PTPRR: variants seen among roughly 807,000 people sequenced by gnomAD.
PTPRR encodes the protein receptor-type tyrosine-protein phosphatase R.
Under a neutral mutation model 77.2 loss-of-function variants are expected in PTPRR, and 38 were observed. The ratio of observed to expected loss-of-function variants is 0.49; its 90% confidence interval spans 0.38 to 0.65. The LOEUF (loss-of-function observed/expected upper bound fraction) is 0.65, where lower values mean the gene tolerates loss of function less well. Ranked by LOEUF, PTPRR falls within the 30% of genes least tolerant of loss-of-function variation. The pLI is 0.00. For synonymous variants in PTPRR, 299 were observed against 283.1 expected (o/e 1.06, Z -0.57); for missense variants, 744 against 799.2 (o/e 0.93, Z 0.83).
At chr12:70,698,169 A>C (rs1054720280) in intron 8 of PTPRR, 96 bp downstream of exon 8, 11 of 1,013,824 alleles carry the variant, frequency 1.1e-5, no homozygotes, top group Non-Finnish European at 1.4e-5. Context: ...CTTTTGCTGC[A>C]TCCATCAACC....
intron 2 of PTPRR, among the ~76,000 whole-genome samples, chr12:70,886,886 GT>G (rs1893248914): frequency 6.6e-6 from 1 of 152,096 alleles, no homozygotes; most frequent in African/African-American, 2.4e-5. Flanking sequence ...TCTCAACATT[GT>G]GGAACATACA....
intron 2 of PTPRR, among the ~76,000 whole-genome samples, chr12:70,864,818 T>C (rs908594609): frequency 1.3e-5 from 2 of 152,164 alleles, no homozygotes; most frequent in African/African-American, 4.8e-5. Flanking sequence ...TTTGTTGCTG[T>C]TGTTGTTTTT....
At chr12:70,889,651 C>T (rs1893300029) in intron 2 of PTPRR, among the ~76,000 whole-genome samples, 1 of 152,034 alleles carries the variant, frequency 6.6e-6, no homozygotes. Flanking sequence ...CCCCTGGAAA[C>T]TCATCATCTT....
chr12:70,722,676 A>G (rs1184738173), intron 6 of PTPRR, among the ~76,000 whole-genome samples: 1 of 152,094 alleles, frequency 6.6e-6, no homozygotes, highest in East Asian at 1.9e-4. Context: ...TATTTGGGAT[A>G]AGACTCATTA....
chr12:70,852,368 ATATC>A (rs1892585459), intron 2 of PTPRR, among the ~76,000 whole-genome samples: 1 of 152,204 alleles, frequency 6.6e-6, no homozygotes. Context: ...CAAAAGAAAA[ATATC>A]TAAGAGAAAA....
chr12:70,751,421 C>T (rs983258194), intron 5 of PTPRR, among the ~76,000 whole-genome samples: 5 of 152,194 alleles, frequency 3.3e-5, no homozygotes. Context: ...TCCCCATCCT[C>T]TGTCCACCAC....
intron 2 of PTPRR, among the ~76,000 whole-genome samples, chr12:70,840,961 GT>G (rs1892385752): frequency 7.9e-6 from 1 of 126,868 alleles, no homozygotes; most frequent in African/African-American, 3.1e-5. Flanking sequence ...TCTGTCTTGA[GT>G]TTTTATGGCT....
At chr12:70,717,662 T>C (rs1009863444) in intron 6 of PTPRR, among the ~76,000 whole-genome samples, 1 of 152,186 alleles carries the variant, frequency 6.6e-6, no homozygotes, top group Non-Finnish European at 1.5e-5. Flanking sequence ...AATTGTTAAA[T>C]ACAGAACATG....
intron 2 of PTPRR, among the ~76,000 whole-genome samples, chr12:70,852,078 T>C (rs775083065): frequency 3.9e-5 from 6 of 152,248 alleles, no homozygotes; most frequent in South Asian, 4.1e-4. Context: ...AGGCAGACAG[T>C]GTATGAGTGC....
chr12:70,920,446 A>G lies in PTPRR; in HGVS notation c.-56T>C. On this transcript the variant is annotated 5_prime_UTR_variant, in exon 1 of 14. Transcript: ENST00000283228. ...TCCACCACGACCCCACTTCAGGTAA[A>G]GTGCTATTAGAAAGAGCCACCGCCA... 6.4e-7 allele frequency: 1 copy of G among 1,551,608 alleles called. No homozygotes were observed. Among genetic ancestry groups the G allele is most frequent in the East Asian group, 2.3e-5 (1 of 43,856 alleles).
chr12:70,714,698 C>G (rs983807410), intron 6 of PTPRR, among the ~76,000 whole-genome samples: 1 of 152,042 alleles, frequency 6.6e-6, no homozygotes, highest in South Asian at 2.1e-4. Flanking sequence ...TAAGTTTCTC[C>G]TATAGACCAG....
At chr12:70,672,639 G>T in intron 10 of PTPRR, 1 of 1,527,842 alleles carries the variant, frequency 6.5e-7, no homozygotes, top group South Asian at 1.1e-5. Flanking sequence ...AAGTGAATGG[G>T]GAAGTGGTCC....
intron 2 of PTPRR, among the ~76,000 whole-genome samples, chr12:70,820,109 T>C (rs1891977899): frequency 6.6e-6 from 1 of 152,214 alleles, no homozygotes; most frequent in African/African-American, 2.4e-5. Context: ...CAGAAATGTA[T>C]GGAGGGGTGA....
At chr12:70,866,667 C>T (rs1480411146) in intron 2 of PTPRR, among the ~76,000 whole-genome samples, 1 of 152,156 alleles carries the variant, frequency 6.6e-6, no homozygotes, top group East Asian at 1.9e-4. Context: ...AGGGAATCCT[C>T]CCTAACTCAT....
chr12:70,815,373 G>A (rs908530817), intron 2 of PTPRR, among the ~76,000 whole-genome samples: 3 of 152,072 alleles, frequency 2.0e-5, no homozygotes, highest in Non-Finnish European at 2.9e-5. Context: ...TGGTGGGGGG[G>A]AGTTCTTAAG....
At chr12:70,881,799 G>A (rs76388803) in intron 2 of PTPRR, among the ~76,000 whole-genome samples, 4,251 of 152,266 alleles carry the variant, frequency 0.028, 107 homozygotes, top group Non-Finnish European at 0.042. Flanking sequence ...GACAACATGC[G>A]TGTTTGTATT....
At chr12:70,737,227 T>C (rs1024853904) in intron 6 of PTPRR, among the ~76,000 whole-genome samples, 1 of 152,136 alleles carries the variant, frequency 6.6e-6, no homozygotes, top group African/African-American at 2.4e-5. Flanking sequence ...CAGAGATCCC[T>C]GTGCAATCAG....
chr12:70,818,585 GA>G (rs1486752094), intron 2 of PTPRR, among the ~76,000 whole-genome samples: 4 of 152,156 alleles, frequency 2.6e-5, no homozygotes, highest in Non-Finnish European at 5.9e-5. Flanking sequence ...TAATATGATT[GA>G]AAATTATGAA....
Position 70,828,382 on chromosome 12 carries a change from T to C in PTPRR, c.358-63604A>G, listed in dbSNP as rs562255034. Among the ~76,000 whole-genome samples, 78 of 152,322 alleles carry C rather than the reference T, an allele frequency of 5.1e-4. No homozygotes were observed. In the South Asian group the frequency reaches 0.013, roughly 26 times the overall value. On this transcript the variant is annotated intron_variant, in intron 2 of 13. Coordinates refer to ENST00000283228, the MANE Select transcript of PTPRR (RefSeq NM_002849.4). ...AAAAACACATTCTTCAGTCCACATA[T>C]AGTTATACTAACTCCTGCAATATTC...
Sources: gnomAD v4.1 joint callset for allele counts (sites outside exome capture counted in the v4.1 genomes callset) on GRCh38, gnomAD v4.1.1 for gene constraint, MANE v1.5 for transcripts, NCBI Gene and HGNC (gene_info 2026-07-23, HGNC 2026-07-21) for gene names.